PHC3: variants seen among roughly 807,000 people sequenced by gnomAD.
The protein encoded by PHC3 is polyhomeotic homolog 3.
Under a neutral mutation model 107.4 loss-of-function variants are expected in PHC3, and 13 were observed. The ratio of observed to expected loss-of-function variants is 0.12; its 90% CI spans 0.08 to 0.19. The LOEUF is 0.19. PHC3 is among the 10% of genes least tolerant of loss of function. The pLI, the probability that PHC3 is intolerant of heterozygous loss-of-function variation, is 1.00. For missense variants in PHC3, 992 were observed against 1,210.9 expected (o/e 0.82, Z 2.68); for synonymous variants, 456 against 427.4 (o/e 1.07, Z -0.83).
intron 3 of PHC3, among the ~76,000 whole-genome samples, 175 bp downstream of exon 3, chr3:170,172,381 AC>A (rs372337741): frequency 4.6e-5 from 7 of 152,116 alleles, no homozygotes; most frequent in Non-Finnish European, 8.8e-5. Context: ...ACATAAAAAA[AC>A]ATATCCCCTT....
chr3:170,170,320 AG>A (rs1297335118), intron 4 of PHC3: 1 of 150,834 alleles, frequency 6.6e-6, no homozygotes, highest in Non-Finnish European at 1.5e-5. Context: ...GCCCCCCACC[AG>A]GAAACACCTA....
Position 170,129,064 on chromosome 3 carries a change from G to A in PHC3, c.1408C>T (p.Leu470Phe). 6.2e-7 allele frequency: 1 copy of A among 1,611,900 alleles called. No homozygotes were observed. The highest frequency in any genetic ancestry group is 8.5e-7 in the Non-Finnish European group (1 of 1,178,908). Residue 470 changes from leucine to phenylalanine, a missense_variant, in exon 8 of 15, where the codon CTT (leucine) becomes TTT (phenylalanine). By Grantham distance (22) the Leu-to-Phe change is conservative. Transcript: ENST00000495893. Reference protein sequence around the residue: ...AQLNLPSHLPLPASPVVHIGP... With the variant: ...AQLNLPSHLPFPASPVVHIGP... ...ATGTGTACAACAGGGGAAGCTGGAA[G>A]TGGAAGATGGGATGGAAGATTCAAC...
At chr3:170,156,575 T>C (rs1325847514) in intron 4 of PHC3, among the ~76,000 whole-genome samples, 1 of 151,238 alleles carries the variant, frequency 6.6e-6, no homozygotes, top group Non-Finnish European at 1.5e-5. Flanking sequence ...TAGCTATCCA[T>C]GAAGAATTTT....
intron 5 of PHC3, among the ~76,000 whole-genome samples, chr3:170,146,535 CTTT>C (rs373420736): frequency 1.1e-4 from 13 of 123,488 alleles, no homozygotes; most frequent in East Asian, 2.4e-4. Context: ...TTTTCTTTTT[CTTT>C]TTTTTTTTTT....
intron 2 of PHC3, among the ~76,000 whole-genome samples, chr3:170,174,174 C>A (rs1029456503): frequency 6.6e-6 from 1 of 151,648 alleles, no homozygotes; most frequent in African/African-American, 2.4e-5. Context: ...GCCTAGACGA[C>A]AGAGCAAGAC....
At chr3:170,119,036 T>TAAAAAAAAAAAAAAAAAAAGAAAA (rs1719638545) in intron 9 of PHC3, among the ~76,000 whole-genome samples, 1 of 72,668 alleles carries the variant, frequency 1.4e-5, no homozygotes, top group African/African-American at 4.8e-5. Flanking sequence ...TATAAAAAGC[T>TAAAAAAAAAAAAAAAAAAAGAAAA]AAAAAAAAAA....
intron 10 of PHC3, 84 bp downstream of exon 10, chr3:170,117,142 T>C: frequency 6.6e-7 from 1 of 1,520,378 alleles, no homozygotes; most frequent in Non-Finnish European, 9.0e-7. Context: ...ATTACAAGCT[T>C]TTTATTAGAG....
chr3:170,165,361 T>TA (rs761942325), intron 4 of PHC3, among the ~76,000 whole-genome samples: 4 of 151,950 alleles, frequency 2.6e-5, no homozygotes, highest in African/African-American at 7.3e-5. Flanking sequence ...CAAGTTTCAA[T>TA]AAAAAATCAC....
At chr3:170,115,239 A>G (rs982056360) in intron 10 of PHC3, among the ~76,000 whole-genome samples, 5 of 152,174 alleles carry the variant, frequency 3.3e-5, no homozygotes, top group Non-Finnish European at 7.4e-5. Flanking sequence ...ATGGATGTTC[A>G]TAAAGTGAAA....
At chr3:170,125,293 T>TG (rs1392608242) in intron 8 of PHC3, among the ~76,000 whole-genome samples, 3 of 152,132 alleles carry the variant, frequency 2.0e-5, no homozygotes, top group Non-Finnish European at 4.4e-5. Flanking sequence ...AAAAAGTGTC[T>TG]GGGGGGTTAA....
chr3:170,146,877 CTTT>C (rs1035803336), intron 5 of PHC3, among the ~76,000 whole-genome samples: 3 of 97,998 alleles, frequency 3.1e-5, no homozygotes, highest in Admixed American at 1.1e-4. Context: ...TCTATTTTTT[CTTT>C]TTTTTTTTTT....
At chr3:170,111,145 C>T (rs1296540055) in intron 11 of PHC3, among the ~76,000 whole-genome samples, 4 of 152,012 alleles carry the variant, frequency 2.6e-5, no homozygotes, top group Non-Finnish European at 5.9e-5. Flanking sequence ...TATTATATAA[C>T]ACCAAAGAAT....
In PHC3 at chr3:170,117,423, G is replaced by A; in HGVS notation, c.1996C>T (p.Pro666Ser). ...ACAGAAACATGTGAGGGATCTGATG[G>A]AGATTTAATTACTGAAGCACTGACT... ...ASVSASVIKS[P>S]SDPSHVSVPP... The change falls in exon 10 of 15, where the codon CCA (proline) becomes TCA (serine). Residue 666 changes from proline (P) to serine (S), a missense_variant. Pro to Ser is a moderately conservative substitution (Grantham distance 74). This residue lies in a region of PHC3 where 543 missense variants were observed against 590.8 expected (regional missense o/e 0.92). Transcript: ENST00000495893. 1 of 1,613,852 alleles carries A rather than the reference G, an allele frequency of 6.2e-7. No homozygotes were observed. The highest frequency in any genetic ancestry group is 8.5e-7 in the Non-Finnish European group (1 of 1,179,820).
intron 9 of PHC3, among the ~76,000 whole-genome samples, chr3:170,121,136 T>G (rs1256145483): frequency 6.6e-6 from 1 of 152,188 alleles, no homozygotes; most frequent in Non-Finnish European, 1.5e-5. Context: ...TCTTTTGTTT[T>G]CAATCATTCA....
At chr3:170,106,714 TATA>T (rs1716592940) in intron 12 of PHC3, 115 bp downstream of exon 12, 1 of 549,854 alleles carries the variant, frequency 1.8e-6, no homozygotes, top group Non-Finnish European at 3.1e-6. Flanking sequence ...AGGTTTCTTC[TATA>T]ATATTACATA....
chr3:170,117,544 T>A (rs964057123), intron 9 of PHC3, 68 bp from the exon 10 acceptor site: 1 of 1,475,660 alleles, frequency 6.8e-7, no homozygotes, highest in South Asian at 1.4e-5. Context: ...TGAAAGAGAA[T>A]TAAGGAATAA....
intron 6 of PHC3, among the ~76,000 whole-genome samples, chr3:170,144,436 G>A (rs1021003944): frequency 1.3e-5 from 2 of 151,796 alleles, no homozygotes; most frequent in Non-Finnish European, 2.9e-5. Flanking sequence ...TCTGAGTACC[G>A]CTGCTATAAA....
intron 4 of PHC3, among the ~76,000 whole-genome samples, chr3:170,165,862 G>A (rs569315466): frequency 4.0e-5 from 6 of 150,360 alleles, no homozygotes; most frequent in African/African-American, 1.5e-4. Flanking sequence ...CAGCTACTTA[G>A]GAAGCCAAGA....
Position 170,129,000 on chromosome 3 carries a change from T to A in PHC3, c.1472A>T (p.Gln491Leu). The A allele has an allele frequency of 6.2e-7, 1 of 1,613,844 alleles. No homozygotes were observed. The highest frequency in any genetic ancestry group is 1.1e-5 in the South Asian group (1 of 91,064). Residue 491 changes from glutamine (Q) to leucine (L), a missense_variant, in exon 8 of 15, where the codon CAG becomes CTG. Around this residue, in one of 6 missense-constraint regions of PHC3, gnomAD observed 543 missense variants for 590.8 expected, o/e 0.92. Coordinates refer to ENST00000495893, the MANE Select transcript of PHC3 (RefSeq NM_024947.4). ...VQQSALVSPG[Q>L]QIVSPSHQQY... is the part of the protein sequence containing the mutation. ...CTGGTGTGATGGAGAGACAATCTGC[T>A]GGCCTGGGGATACCAAGGCAGACTG...
Sources: gnomAD v4.1 joint callset for allele counts (sites outside exome capture counted in the v4.1 genomes callset) on GRCh38, gnomAD v4.1.1 for gene constraint, gnomAD v4.1.1 regional missense constraint, MANE v1.5 for transcripts, NCBI Gene and HGNC (gene_info 2026-07-23, HGNC 2026-07-21) for gene names.